Variants in XRN2 observed in about 807,000 individuals in gnomAD.
The protein encoded by XRN2 is 5'-3' exoribonuclease 2.
Under a neutral mutation model 138.5 loss-of-function variants are expected in XRN2, and 44 were observed. The observed-to-expected ratio is 0.32, with a 90% CI of 0.25 to 0.41. XRN2 has a LOEUF of 0.41. XRN2 is among the 10% of genes least tolerant of loss of function. The pLI is 1.00. For missense variants in XRN2, 937 were observed against 1,169.3 expected (o/e 0.80, Z 2.90); for synonymous variants, 354 against 369.4 (o/e 0.96, Z 0.48).
At chr20:21,383,391 T>TA (rs1287805591) in intron 28 of XRN2, among the ~76,000 whole-genome samples, 1 of 152,248 alleles carries the variant, frequency 6.6e-6, no homozygotes, top group Non-Finnish European at 1.5e-5. Flanking sequence ...TACAAAGTGT[T>TA]AACACTGTGT....
chr20:21,378,766 C>T (rs939549489), intron 27 of XRN2, among the ~76,000 whole-genome samples: 4 of 152,034 alleles, frequency 2.6e-5, no homozygotes, highest in South Asian at 2.1e-4. Context: ...TCATTTTCTT[C>T]GTGTAGTATG....
chr20:21,383,770 G>A (rs1232885808), intron 28 of XRN2, among the ~76,000 whole-genome samples: 1 of 152,074 alleles, frequency 6.6e-6, no homozygotes, highest in East Asian at 1.9e-4. Context: ...TTCTACCCTA[G>A]CCAAGTACTA....
intron 3 of XRN2, 50 bp from the exon 4 acceptor site, chr20:21,328,509 T>G: frequency 6.5e-7 from 1 of 1,530,448 alleles, no homozygotes; most frequent in Non-Finnish European, 9.0e-7. Flanking sequence ...GGTACAGATT[T>G]ATTTGTGAAT....
chr20:21,354,787 A>G lies in XRN2; in HGVS notation c.1937-2A>G. On this transcript the variant is annotated splice_acceptor_variant, in intron 20 of 29. Coordinates refer to ENST00000377191, the MANE Select transcript of XRN2 (RefSeq NM_012255.5). LOFTEE classifies it high-confidence loss of function. ...GTGGTTCATTTGCACTTGTTTTTTC[A>G]GGTGTTGCTCTCTTGCCATTCGTGG... The G allele has an allele frequency of 6.2e-7, 1 of 1,613,676 alleles. No homozygotes were observed. The highest frequency in any genetic ancestry group is 8.5e-7 in the Non-Finnish European group (1 of 1,179,790).
At chr20:21,381,293 TG>T (rs753184748) in intron 27 of XRN2, among the ~76,000 whole-genome samples, 3 of 152,138 alleles carry the variant, frequency 2.0e-5, no homozygotes, top group Non-Finnish European at 4.4e-5. Context: ...CCGCTGAAGG[TG>T]AAGTGACTGC....
chr20:21,308,584 T>C (rs1039119810), intron 1 of XRN2, among the ~76,000 whole-genome samples: 1 of 152,266 alleles, frequency 6.6e-6, no homozygotes, highest in African/African-American at 2.4e-5. Flanking sequence ...GGTTTTAACT[T>C]GCATTTCCTT....
intron 1 of XRN2, among the ~76,000 whole-genome samples, chr20:21,304,947 T>C (rs1412526777): frequency 2.0e-5 from 3 of 152,216 alleles, no homozygotes; most frequent in African/African-American, 7.2e-5. Flanking sequence ...TAGTTGACTA[T>C]TGACACTGTG....
At chr20:21,314,792 C>T (rs778786178) in intron 1 of XRN2, among the ~76,000 whole-genome samples, 14 of 152,178 alleles carry the variant, frequency 9.2e-5, no homozygotes, top group Non-Finnish European at 1.5e-4. Flanking sequence ...TGCTGTGAAG[C>T]AGGTTTACTG....
Position 21,365,681 on chromosome 20 carries a change from T to A in XRN2, c.2433T>A (p.Asp811Glu). The stretch of plus-strand genomic sequence containing the variant: ...GTGACCGGAGGCCTGTGCACCTGGA[T>A]CAGGCAGCCTTCAGGACTTTGGGGT... ...FNRDRRPVHL[D>E]QAAFRTLGHV... The change falls in exon 26 of 30, where the codon GAT (aspartate) becomes GAA (glutamate). Residue 811 changes from aspartate (D) to glutamate (E), a missense_variant. Physicochemically the swap from Asp to Glu is conservative, Grantham distance 45. Transcript: ENST00000377191. 1 of 1,574,216 alleles carries A rather than the reference T, an allele frequency of 6.4e-7. No individual in the cohort carries two copies. The highest frequency in any genetic ancestry group is 8.6e-7 in the Non-Finnish European group (1 of 1,160,532).
rs576565065 is a variant in XRN2, at chr20:21,387,574, A to T, written c.2787+568A>T. The stretch of plus-strand genomic sequence containing the variant: ...ATTCCTAGACAAATTTAGTATATGT[A>T]AGCTTCATGTCCTTCTCTTTACAGC... On this transcript the variant is annotated intron_variant, in intron 29 of 29. Transcript: ENST00000377191. Among the ~76,000 whole-genome samples, 17 of 152,324 alleles carry T rather than the reference A, an allele frequency of 1.1e-4. No individual in the cohort carries two copies. The South Asian group carries it at 3.3e-3, about 30-fold the overall frequency.
rs35271239 is a variant in XRN2 at position 21,333,683 on chromosome 20, A to G, written c.934-21A>G. 1,594 of 1,614,100 alleles carry G rather than the reference A, an allele frequency of 9.9e-4. 19 individuals are homozygous for G. In the African/African-American group the frequency reaches 0.019, roughly 19 times the overall value. ...GGGTGCCTTTGATAGCTGTAATGGC[A>G]GCATTCCTTTTTGGTTGTAGTATTT... On this transcript the variant is annotated intron_variant, in intron 10 of 29. Transcript: ENST00000377191.
rs11482123 is a variant in XRN2 at position 21,324,497 on chromosome 20, CT to C, written c.76-1769del. ...CTGTAAGTGGTATACTGTATATGTT[CT>C]TTTTTTTTTTTTGGCCTAGTATGTT... On this transcript the variant is annotated intron_variant, in intron 1 of 29. Coordinates refer to ENST00000377191, the MANE Select transcript of XRN2 (RefSeq NM_012255.5). Among the ~76,000 whole-genome samples the C allele has an allele frequency of 9.1e-3, 1,329 of 145,260 alleles. 10 individuals are homozygous for C. Among genetic ancestry groups the C allele is most frequent in the Non-Finnish European group, 0.012 (810 of 66,604 alleles).
At chr20:21,376,134 A>G (rs2038820215) in intron 27 of XRN2, among the ~76,000 whole-genome samples, 1 of 148,612 alleles carries the variant, frequency 6.7e-6, no homozygotes, top group African/African-American at 2.5e-5. Context: ...CACTGCCCCC[A>G]GCCACCAGGT....
At chr20:21,351,366 T>A (rs1450688435) in intron 20 of XRN2, among the ~76,000 whole-genome samples, 2 of 152,226 alleles carry the variant, frequency 1.3e-5, no homozygotes, top group African/African-American at 4.8e-5. Context: ...CTGAACATCG[T>A]TTCATGTCCT....
chr20:21,314,789 A>C (rs2037934947), intron 1 of XRN2, among the ~76,000 whole-genome samples: 1 of 152,150 alleles, frequency 6.6e-6, no homozygotes, highest in Non-Finnish European at 1.5e-5. Context: ...TTTTGCTGTG[A>C]AGCAGGTTTA....
At chr20:21,318,399 A>G (rs60578181) in intron 1 of XRN2, among the ~76,000 whole-genome samples, 307 of 151,474 alleles carry the variant, frequency 2.0e-3, no homozygotes, top group African/African-American at 7.1e-3. Flanking sequence ...ATTTTTCTCT[A>G]TTTTTAAATT....
chr20:21,335,134 C>G (rs181366955), intron 13 of XRN2, among the ~76,000 whole-genome samples: 1 of 152,256 alleles, frequency 6.6e-6, no homozygotes, highest in Non-Finnish European at 1.5e-5. Flanking sequence ...CAAGGGGTCA[C>G]AGTGAGATGG....
At chr20:21,336,805 A>G (rs1231254174) in intron 13 of XRN2, among the ~76,000 whole-genome samples, 5 of 152,338 alleles carry the variant, frequency 3.3e-5, no homozygotes, top group Middle Eastern at 3.4e-3. Context: ...GAGGTTGGGC[A>G]TTACAGTTCT....
intron 24 of XRN2, among the ~76,000 whole-genome samples, chr20:21,361,701 G>A (rs552613675): frequency 6.6e-6 from 1 of 152,266 alleles, no homozygotes; most frequent in East Asian, 1.9e-4. Flanking sequence ...AAAAATAAAA[G>A]ACCTTCAAAT....
Sources: allele counts gnomAD v4.1 joint callset (sites outside exome capture counted in the v4.1 genomes callset), GRCh38; gene constraint gnomAD v4.1.1; transcripts MANE v1.5; gene names NCBI Gene and HGNC (gene_info 2026-07-23, HGNC 2026-07-21).